Variants in PTPRG observed in about 807,000 individuals in gnomAD.
The protein encoded by PTPRG is receptor-type tyrosine-protein phosphatase gamma.
PTPRG carries 102 observed loss-of-function variants against 165.3 expected under a neutral mutation model. That is an observed-to-expected ratio of 0.62 (90% CI 0.53 to 0.73). The LOEUF is 0.73. Ranked by LOEUF, PTPRG falls within the 30% of genes least tolerant of loss-of-function variation. PTPRG has a pLI of 0.00. For missense variants in PTPRG, 1,866 were observed against 1,861.4 expected (o/e 1.00, Z -0.05); for synonymous variants, 675 against 669.5 (o/e 1.01, Z -0.13).
At chr3:62,198,439 G>T (rs1424020745) in intron 10 of PTPRG, among the ~76,000 whole-genome samples, 3 of 152,112 alleles carry the variant, frequency 2.0e-5, no homozygotes, top group Non-Finnish European at 4.4e-5. Flanking sequence ...TTCAACAAAA[G>T]GTTGAAAATA....
rs192155431 is a variant in PTPRG at position 61,991,875 on chromosome 3, C to T, written c.370+2071C>T. Among the ~76,000 whole-genome samples the T allele has an allele frequency of 7.5e-3, 1,145 of 152,280 alleles. 5 individuals carry two copies. The highest frequency in any genetic ancestry group is 9.9e-3 in the Non-Finnish European group (676 of 68,020). On this transcript the variant is annotated intron_variant, in intron 3 of 29. Transcript: ENST00000474889. ...CGTATCACCAATGACAGGTTTTAGA[C>T]GTATGTAGGGTTCACTCGATGCAAG...
intron 2 of PTPRG, among the ~76,000 whole-genome samples, chr3:61,868,253 A>G (rs2037465145): frequency 6.6e-6 from 1 of 152,138 alleles, no homozygotes; most frequent in African/African-American, 2.4e-5. Context: ...CACGGAAGAA[A>G]AGCTCCAAGA....
At chr3:62,227,987 G>A (rs1700804402) in intron 13 of PTPRG, among the ~76,000 whole-genome samples, 1 of 152,158 alleles carries the variant, frequency 6.6e-6, no homozygotes, top group African/African-American at 2.4e-5. Flanking sequence ...TGGTGCTATG[G>A]TGGCCCATTT....
chr3:62,193,191 G>A (rs1045099101), intron 9 of PTPRG, among the ~76,000 whole-genome samples: 3 of 152,208 alleles, frequency 2.0e-5, no homozygotes, highest in African/African-American at 4.8e-5. Context: ...CCATCTAGGC[G>A]CTTATGCAGT....
chr3:62,082,019 T>A (rs1701599734), intron 5 of PTPRG, among the ~76,000 whole-genome samples: 2 of 151,890 alleles, frequency 1.3e-5, no homozygotes, highest in African/African-American at 2.4e-5. Context: ...CCAAAAAGAG[T>A]TGAACTCCTC....
intron 5 of PTPRG, among the ~76,000 whole-genome samples, chr3:62,090,054 C>T (rs1188688577): frequency 6.6e-6 from 1 of 152,278 alleles, no homozygotes; most frequent in African/African-American, 2.4e-5. Context: ...CTTATGTGTT[C>T]ACACAAATGG....
intron 4 of PTPRG, among the ~76,000 whole-genome samples, chr3:62,006,182 CTA>C (rs1277755037): frequency 2.6e-5 from 4 of 152,036 alleles, no homozygotes. Context: ...GTAAGGCTGC[CTA>C]TATCAATTGG....
chr3:61,742,422 T>TTTTTTAAA, intron 1 of PTPRG: 5 of 1,316,832 alleles, frequency 3.8e-6, no homozygotes, highest in Non-Finnish European at 5.0e-6. Context: ...TTTTTTTTTT[T>TTTTTTAAA]TGAACTGGTA....
intron 1 of PTPRG, among the ~76,000 whole-genome samples, chr3:61,642,859 A>C (rs1258526101): frequency 6.6e-6 from 1 of 152,220 alleles, no homozygotes; most frequent in Non-Finnish European, 1.5e-5. Context: ...GGATCTGGGC[A>C]TGAGACATCG....
intron 4 of PTPRG, among the ~76,000 whole-genome samples, chr3:62,009,210 T>C (rs1575881818): frequency 1.3e-5 from 2 of 152,192 alleles, no homozygotes; most frequent in East Asian, 1.9e-4. Flanking sequence ...CAATGTCTTA[T>C]GTCTAAAGAG....
In PTPRG at chr3:62,269,049, G is replaced by A; in HGVS notation, c.2889G>A (p.Gln963=). The part of the protein sequence containing the change: ...LVEKGRRKCD[Q]YWPTENSEEY... ...TCTTTCTGCAGCGAAAATGTGATCA[G>A]TATTGGCCAACAGAGAACAGTGAGG... Residue 963 remains glutamine, a synonymous_variant, in exon 20 of 30, where the codon CAG becomes CAA. Transcript: ENST00000474889. 1 of 1,592,194 alleles carries A rather than the reference G, an allele frequency of 6.3e-7. No individual in the cohort carries two copies. The highest frequency in any genetic ancestry group is 1.3e-5 in the African/African-American group (1 of 74,742).
At chr3:61,942,644 G>C (rs2039660200) in intron 2 of PTPRG, among the ~76,000 whole-genome samples, 2 of 152,164 alleles carry the variant, frequency 1.3e-5, no homozygotes, top group Non-Finnish European at 2.9e-5. Flanking sequence ...GACTCAGAGA[G>C]GTTTGTGAAC....
At chr3:62,158,676 G>A (rs921368287) in intron 7 of PTPRG, among the ~76,000 whole-genome samples, 29 of 152,294 alleles carry the variant, frequency 1.9e-4, no homozygotes, top group African/African-American at 7.0e-4. Flanking sequence ...GAAGAAGGTA[G>A]GGGCAGTAGA....
chr3:62,063,809 TTTTC>T (rs1213777966), intron 4 of PTPRG, among the ~76,000 whole-genome samples: 2 of 152,178 alleles, frequency 1.3e-5, no homozygotes, highest in Admixed American at 6.5e-5. Context: ...GGCCTCAATC[TTTTC>T]TTTATTTCTT....
At chr3:61,637,741 T>G (rs1701953373) in intron 1 of PTPRG, among the ~76,000 whole-genome samples, 1 of 152,146 alleles carries the variant, frequency 6.6e-6, no homozygotes, top group Non-Finnish European at 1.5e-5. Flanking sequence ...TGTGTGTGTG[T>G]TTATCGTTGT....
At chr3:62,282,604 G>T in intron 27 of PTPRG, 123 bp from the exon 28 acceptor site, 1 of 951,656 alleles carries the variant, frequency 1.1e-6, no homozygotes, top group Non-Finnish European at 1.5e-6. Flanking sequence ...CTGTGGTTTG[G>T]TTAACACAAC....
At chr3:62,200,160 C>T (rs781496717) in intron 10 of PTPRG, among the ~76,000 whole-genome samples, 18 of 152,094 alleles carry the variant, frequency 1.2e-4, no homozygotes, top group East Asian at 3.8e-4. Context: ...GTTCTGGAGA[C>T]GGATAGAAGT....
rs1018144911 is a variant in PTPRG at position 61,689,452 on chromosome 3, G to A, written c.86-59426G>A. Among the ~76,000 whole-genome samples the A allele has an allele frequency of 4.6e-5, 7 of 152,318 alleles. No individual in the cohort carries two copies. In the South Asian group the frequency reaches 1.5e-3, roughly 32 times the overall value. On this transcript the variant is annotated intron_variant, in intron 1 of 29. Transcript: ENST00000474889. ...GCATGTATGAATTTCACTTTGGAGG[G>A]AACAGAGTCTTGAGCAAGCACCTCA...
chr3:62,080,057 G>A (rs1033203531), intron 5 of PTPRG, among the ~76,000 whole-genome samples: 4 of 141,878 alleles, frequency 2.8e-5, no homozygotes, highest in South Asian at 2.2e-4. Flanking sequence ...GGACCCCTTC[G>A]GTTCATTTTT....
Sources: gnomAD v4.1 joint callset for allele counts (sites outside exome capture counted in the v4.1 genomes callset) on GRCh38, gnomAD v4.1.1 for gene constraint, MANE v1.5 for transcripts, NCBI Gene and HGNC (gene_info 2026-07-23, HGNC 2026-07-21) for gene names.